The following PIK3C2B variants were observed in gnomAD, a reference collection of about 807,000 sequenced individuals.
PIK3C2B encodes the protein phosphatidylinositol-4-phosphate 3-kinase catalytic subunit type 2 beta.
PIK3C2B carries 83 observed loss-of-function variants against 184.3 expected under a neutral mutation model. The ratio of observed to expected loss-of-function variants is 0.45; its 90% CI spans 0.38 to 0.54. PIK3C2B has a LOEUF of 0.54. Among genes scored for constraint, PIK3C2B ranks in the 20% least tolerant of loss-of-function variants. PIK3C2B has a pLI of 0.00. For missense variants in PIK3C2B, 1,736 were observed against 2,113.5 expected (o/e 0.82, Z 3.50); for synonymous variants, 779 against 837.6 (o/e 0.93, Z 1.21).
chr1:204,433,351 C>T lies in PIK3C2B; in HGVS notation c.3918G>A (p.Gln1306=). ...LKYVYDALRP[Q]DTEANATTYF... is the part of the protein sequence containing the mutation. ...AGGTAGTGGCATTGGCCTCTGTATC[C>T]TGAGGCCTCAGGGCATCGTACACAT... The change falls in exon 26 of 33, where the codon CAG becomes CAA. Residue 1306 remains glutamine, a synonymous_variant. Coordinates refer to ENST00000684373, the MANE Select transcript of PIK3C2B (RefSeq NM_001377334.1). The surrounding 1 kb of genome is among the most constrained non-coding windows in gnomAD (Gnocchi z 5.0). The T allele has an allele frequency of 6.2e-7, 1 of 1,610,990 alleles. No homozygotes were observed. Among genetic ancestry groups the T allele is most frequent in the Non-Finnish European group, 8.5e-7 (1 of 1,177,162 alleles).
intron 24 of PIK3C2B, 55 bp from the exon 25 acceptor site, chr1:204,434,004 A>T: frequency 7.0e-7 from 1 of 1,429,350 alleles, no homozygotes; most frequent in Non-Finnish European, 9.9e-7. Context: ...GAAGCCCACC[A>T]TATGGGCTGC....
At chr1:204,458,494 A>ATTTTTTTTTTTTTT (rs1158541930) in intron 8 of PIK3C2B, among the ~76,000 whole-genome samples, 1 of 142,118 alleles carries the variant, frequency 7.0e-6, no homozygotes, top group Non-Finnish European at 1.5e-5. Flanking sequence ...GGCTATGACA[A>ATTTTTTTTTTTTTT]TTTTTTTTTT....
chr1:204,486,449 G>A (rs910726804), intron 1 of PIK3C2B, among the ~76,000 whole-genome samples: 7 of 149,210 alleles, frequency 4.7e-5, no homozygotes, highest in Non-Finnish European at 1.5e-5. Context: ...GAATAAAGAT[G>A]GCTGGGCACG....
At chr1:204,439,877 C>T (rs1303720100) in intron 22 of PIK3C2B, among the ~76,000 whole-genome samples, 1 of 152,212 alleles carries the variant, frequency 6.6e-6, no homozygotes, top group Non-Finnish European at 1.5e-5. Context: ...ATTCTCCCAT[C>T]TCAGCTTCAC....
At chr1:204,464,218 G>T in intron 4 of PIK3C2B, 86 bp from the exon 5 acceptor site, 1 of 1,483,024 alleles carries the variant, frequency 6.7e-7, no homozygotes. Context: ...CCCCTTTCCA[G>T]CTAAGTATTC....
chr1:204,483,051 C>T (rs945395803), intron 1 of PIK3C2B, among the ~76,000 whole-genome samples: 1 of 152,132 alleles, frequency 6.6e-6, no homozygotes, highest in Non-Finnish European at 1.5e-5. Flanking sequence ...TCTTAGGGCC[C>T]CAAAGCCATG....
intron 1 of PIK3C2B, among the ~76,000 whole-genome samples, chr1:204,481,780 C>T (rs987050805): frequency 1.3e-5 from 2 of 152,318 alleles, no homozygotes; most frequent in East Asian, 1.9e-4. Flanking sequence ...GCCCCCAGGC[C>T]TTCTGGCAGG....
Position 204,433,529 on chromosome 1 carries a change from C to T in PIK3C2B, c.3844-104G>A, listed in dbSNP as rs1213663549. The T allele has an allele frequency of 3.8e-6, 3 of 796,516 alleles. No homozygotes were observed. The highest frequency in any genetic ancestry group is 3.4e-5 in the African/African-American group (2 of 58,242). 49.3% of individuals were successfully genotyped at this position (796,516 alleles called of 1,614,324 possible). A position where few individuals can be genotyped will look rare whatever the true frequency, so the allele number is the denominator to read the frequency against. ...TTTTCTACAGCTAGGCTCCCTAACC[C>T]TTCTAGAGGGTGGTAGACAGATGCT... On this transcript the variant is annotated intron_variant, in intron 25 of 32. Transcript: ENST00000684373. This position sits in a 1 kb window ranked among gnomAD's most constrained non-coding sequence, Gnocchi z 5.0.
At chr1:204,441,695 T>C in intron 20 of PIK3C2B, 132 bp from the exon 21 acceptor site, 1 of 567,572 alleles carries the variant, frequency 1.8e-6, no homozygotes, top group Non-Finnish European at 3.2e-6. Flanking sequence ...TCATTGTTTC[T>C]TCCGGATTTC....
intron 3 of PIK3C2B, 50 bp downstream of exon 3, chr1:204,465,169 C>CCCCAAA: frequency 1.3e-6 from 1 of 760,070 alleles, no homozygotes; most frequent in Non-Finnish European, 2.3e-6. Context: ...TGGCCCCCCT[C>CCCCAAA]CCCATCCCCC....
At chr1:204,449,770 C>T in intron 13 of PIK3C2B, 80 bp downstream of exon 13, 20 of 1,325,984 alleles carry the variant, frequency 1.5e-5, no homozygotes, top group Non-Finnish European at 2.1e-5. Context: ...GCGCACTGGC[C>T]AGTGCAGCAG....
At position 204,430,050 on chromosome 1, in the gene PIK3C2B, G is replaced by C. The variant is rs751747053; in HGVS notation, c.4281-12C>G. 6.4e-7 allele frequency: 1 copy of C among 1,555,854 alleles called. No homozygotes were observed. The highest frequency in any genetic ancestry group is 8.8e-7 in the Non-Finnish European group (1 of 1,135,464). The stretch of plus-strand genomic sequence containing the variant: ...AGCGACTAGGGAAGCTGGCGTGGCA[G>C]CGTAGGCAGCGGGGATGCAGGAGGT... On this transcript the variant is annotated splice_polypyrimidine_tract_variant and intron_variant, in intron 28 of 32. Coordinates refer to ENST00000684373, the MANE Select transcript of PIK3C2B (RefSeq NM_001377334.1).
chr1:204,486,705 G>C (rs1480639268), intron 1 of PIK3C2B, among the ~76,000 whole-genome samples: 2 of 152,140 alleles, frequency 1.3e-5, no homozygotes, highest in African/African-American at 4.8e-5. Flanking sequence ...ACTCCAGCCT[G>C]GACGACTGAG....
rs1272336788 is a variant in PIK3C2B, at chr1:204,469,115, C to T, written c.688G>A (p.Gly230Ser). 1 of 1,614,052 alleles carries T rather than the reference C, an allele frequency of 6.2e-7. No individual in the cohort carries two copies. The highest frequency in any genetic ancestry group is 8.5e-7 in the Non-Finnish European group (1 of 1,180,020). ...GRLLGSVDYD[G>S]INDAITRLNL... Reference sequence around the variant, plus strand: ...AGCCTAGTAATTGCATCATTGATACCATCATAGTCCACAGACCCCAGTAGG... The same window carrying T: ...AGCCTAGTAATTGCATCATTGATACTATCATAGTCCACAGACCCCAGTAGG... Residue 230 changes from glycine (G) to serine (S), a missense_variant, in exon 2 of 33, where the codon GGT becomes AGT. Around this residue, in one of 8 missense-constraint regions of PIK3C2B, gnomAD observed 404 missense variants for 418.0 expected, o/e 0.97. Coordinates refer to ENST00000684373, the MANE Select transcript of PIK3C2B (RefSeq NM_001377334.1).
chr1:204,465,167 C>CG, intron 3 of PIK3C2B, 52 bp downstream of exon 3: 1 of 760,392 alleles, frequency 1.3e-6, no homozygotes, highest in Non-Finnish European at 2.3e-6. Context: ...GATGGCCCCC[C>CG]TCCCCATCCC....
intron 2 of PIK3C2B, among the ~76,000 whole-genome samples, chr1:204,466,613 G>T (rs1296812065): frequency 6.6e-6 from 1 of 152,096 alleles, no homozygotes; most frequent in Non-Finnish European, 1.5e-5. Context: ...ACCCACAAGA[G>T]AAAGGAGAGA....
chr1:204,436,604 C>T (rs1675358050), intron 23 of PIK3C2B, among the ~76,000 whole-genome samples: 1 of 152,342 alleles, frequency 6.6e-6, no homozygotes, highest in African/African-American at 2.4e-5. Context: ...TGAGATTAAA[C>T]ATGAACATGC....
At chr1:204,434,369 C>T in intron 24 of PIK3C2B, 70 bp downstream of exon 24, 4 of 1,403,992 alleles carry the variant, frequency 2.8e-6, no homozygotes, top group Non-Finnish European at 4.0e-6. Flanking sequence ...GGGCTTGTGT[C>T]CCAGCTCTGA....
At chr1:204,467,150 G>A (rs1572370352) in intron 2 of PIK3C2B, 1 of 332,180 alleles carries the variant, frequency 3.0e-6, no homozygotes, top group East Asian at 8.2e-5. Context: ...GGGGAAGGGT[G>A]AGGGAGTAGG....
Sources: allele counts gnomAD v4.1 joint callset (sites outside exome capture counted in the v4.1 genomes callset), GRCh38; gene constraint gnomAD v4.1.1; regional missense constraint gnomAD v4.1.1; non-coding constraint Gnocchi (gnomAD v3.1); transcripts MANE v1.5; gene names NCBI Gene and HGNC (gene_info 2026-07-23, HGNC 2026-07-21).